Variants in TRANK1 observed in about 807,000 individuals in gnomAD.
The protein encoded by TRANK1 is tetratricopeptide repeat and ankyrin repeat containing 1.
A neutral mutation model predicts 266.0 loss-of-function variants in TRANK1; 198 were observed. The ratio of observed to expected loss-of-function variants is 0.74; its 90% CI spans 0.66 to 0.84. The LOEUF (loss-of-function observed/expected upper bound fraction) is 0.84, where lower values mean the gene tolerates loss of function less well. TRANK1 is among the 40% of genes least tolerant of loss of function. TRANK1 has a pLI of 0.00. For synonymous variants in TRANK1, 1,396 were observed against 1,384.1 expected (o/e 1.01, Z -0.19); for missense variants, 3,326 against 3,634.6 (o/e 0.92, Z 2.18).
At chr3:36,877,256 A>G (rs1388048873) in intron 8 of TRANK1, among the ~76,000 whole-genome samples, 1 of 152,254 alleles carries the variant, frequency 6.6e-6, no homozygotes, top group Non-Finnish European at 1.5e-5. Flanking sequence ...TTACTTGTAC[A>G]TCATAAAATA....
At chr3:36,924,421 A>G (rs1396366860) in intron 1 of TRANK1, among the ~76,000 whole-genome samples, 4 of 152,202 alleles carry the variant, frequency 2.6e-5, no homozygotes, top group African/African-American at 9.6e-5. Context: ...CAGTCCCACC[A>G]TGGGACAAAC....
Position 36,833,685 on chromosome 3 carries a change from G to A in TRANK1, c.5898C>T (p.Ala1966=). 2 of 1,613,950 alleles carry A rather than the reference G, an allele frequency of 1.2e-6. No homozygotes were observed. Among genetic ancestry groups the A allele is most frequent in the Non-Finnish European group, 1.7e-6 (2 of 1,179,876 alleles). Reference sequence around the variant, plus strand: ...GGCAGCCATGTTGCTTCATCAGCAGGGCAGCCTCTTCTCTCCTACCTTCCC... The same window carrying A: ...GGCAGCCATGTTGCTTCATCAGCAGAGCAGCCTCTTCTCTCCTACCTTCCC... ...LNREGRREEA[A]LLMKQHGCLL... The change falls in exon 22 of 24, where the codon GCC becomes GCT. Residue 1966 remains alanine, a synonymous_variant. Coordinates refer to ENST00000645898, the MANE Select transcript of TRANK1 (RefSeq NM_001329998.2).
chr3:36,865,024 GTTTTTTTTTTTT>G (rs34540496), intron 9 of TRANK1, among the ~76,000 whole-genome samples: 4 of 119,808 alleles, frequency 3.3e-5, no homozygotes, highest in Non-Finnish European at 6.7e-5. Context: ...TGTTTTTTTG[GTTTTTTTTTTTT>G]TTTTTTTTTG....
chr3:36,917,279 C>T (rs893689211), intron 1 of TRANK1, among the ~76,000 whole-genome samples: 2 of 151,932 alleles, frequency 1.3e-5, no homozygotes, highest in African/African-American at 4.8e-5. Context: ...ACACAAAAGC[C>T]TCGAATAGAT....
rs769414394 is a variant in TRANK1, at chr3:36,857,711, T to A, written c.2011A>T (p.Thr671Ser). 2 of 1,613,902 alleles carry A rather than the reference T, an allele frequency of 1.2e-6. No individual in the cohort carries two copies. Among genetic ancestry groups the A allele is most frequent in the East Asian group, 2.2e-5 (1 of 44,890 alleles). The change falls in exon 13 of 24, where the codon ACT becomes TCT. Residue 671 changes from threonine (T) to serine (S), a missense_variant. Coordinates refer to ENST00000645898, the MANE Select transcript of TRANK1 (RefSeq NM_001329998.2). The surrounding 1 kb of genome is among the most constrained non-coding windows in gnomAD (Gnocchi z 4.3). Reference protein sequence around the residue: ...AAHLGKLSKSTAPGHTSQLKS... With the variant: ...AAHLGKLSKSSAPGHTSQLKS... ...AGCTGAGATGTGTGACCAGGGGCAG[T>A]GGACTTTGAGAGCTTCCCCAGGTGG... is the stretch of plus-strand genomic sequence containing the variant.
At chr3:36,850,721 C>T in intron 15 of TRANK1, 1 of 983,554 alleles carries the variant, frequency 1.0e-6, no homozygotes, top group Non-Finnish European at 1.2e-6. Flanking sequence ...CTGCAAAGCA[C>T]CTATATCAAT....
chr3:36,915,534 C>T (rs77266396), intron 1 of TRANK1, among the ~76,000 whole-genome samples: 6,035 of 152,146 alleles, frequency 0.04, 175 homozygotes, highest in African/African-American at 0.081. Flanking sequence ...TTCAGCACAC[C>T]CTAATCCTAT....
chr3:36,899,409 T>A, intron 3 of TRANK1, 150 bp from the exon 4 acceptor site: 3 of 866,168 alleles, frequency 3.5e-6, no homozygotes, highest in South Asian at 1.8e-5. Context: ...AATCCTAACA[T>A]TCCGAGAGAT....
At chr3:36,850,110 A>G (rs527271160) in intron 15 of TRANK1, 4 of 985,458 alleles carry the variant, frequency 4.1e-6, no homozygotes, top group Non-Finnish European at 4.8e-6. Flanking sequence ...TCGCACAAGC[A>G]TACAACTGGT....
chr3:36,943,580 T>C (rs1280443896), intron 1 of TRANK1, among the ~76,000 whole-genome samples: 1 of 144,148 alleles, frequency 6.9e-6, no homozygotes, highest in Non-Finnish European at 1.5e-5. Context: ...TGGAAAACAG[T>C]TGAAACAAAC....
At chr3:36,895,809 G>A (rs2079781699) in intron 4 of TRANK1, 51 bp from the exon 5 acceptor site, 1 of 1,277,734 alleles carries the variant, frequency 7.8e-7, no homozygotes, top group Non-Finnish European at 1.1e-6. Flanking sequence ...AAAGTCTACA[G>A]CATTTGGGAA....
chr3:36,891,270 G>A (rs2079690884), intron 7 of TRANK1, among the ~76,000 whole-genome samples: 2 of 152,138 alleles, frequency 1.3e-5, no homozygotes, highest in South Asian at 4.1e-4. Flanking sequence ...AACCCAGGAG[G>A]CAAAGGCTGC....
intron 9 of TRANK1, among the ~76,000 whole-genome samples, chr3:36,870,634 G>A (rs897638224): frequency 6.6e-6 from 1 of 151,984 alleles, no homozygotes; most frequent in African/African-American, 2.4e-5. Context: ...GAAATCAAAC[G>A]TCCAACAAGT....
Position 36,874,073 on chromosome 3 carries a change from T to C in TRANK1, c.1078+53A>G, listed in dbSNP as rs200792277. 5.4e-6 allele frequency: 8 copies of C among 1,472,472 alleles called. No homozygotes were observed. In the East Asian group the frequency reaches 2.0e-4, roughly 36 times the overall value. The allele number at this position is 1,472,472 out of a possible 1,614,324, so 91.2% of individuals were successfully genotyped here. Reference sequence around the variant, plus strand: ...AAGAGATAAACTGATTTGTATCTAATGTCACAGAACCAGTTTTATGCCCCC... The same window carrying C: ...AAGAGATAAACTGATTTGTATCTAACGTCACAGAACCAGTTTTATGCCCCC... On this transcript the variant is annotated intron_variant, in intron 9 of 23. Coordinates refer to ENST00000645898, the MANE Select transcript of TRANK1 (RefSeq NM_001329998.2).
Position 36,846,263 on chromosome 3 carries a change from T to C in TRANK1, c.5176A>G (p.Thr1726Ala), listed in dbSNP as rs1449086319. Reference protein sequence around the residue: ...IRRDFVQVVKTDENKDFDDSM... With the variant: ...IRRDFVQVVKADENKDFDDSM... ...AGGATCTTACCTTTATTTTCATCTG[T>C]CTTTACAACTTGGACAAAATCTCTT... Residue 1726 changes from threonine (T) to alanine (A), a missense_variant, in exon 17 of 24, where the codon ACA (threonine) becomes GCA (alanine). Coordinates refer to ENST00000645898, the MANE Select transcript of TRANK1 (RefSeq NM_001329998.2). 1.9e-6 allele frequency: 3 copies of C among 1,597,000 alleles called. No individual in the cohort carries two copies. Among genetic ancestry groups the C allele is most frequent in the Non-Finnish European group, 2.6e-6 (3 of 1,171,236 alleles).
At chr3:36,866,006 G>C (rs1170652431) in intron 9 of TRANK1, among the ~76,000 whole-genome samples, 1 of 148,792 alleles carries the variant, frequency 6.7e-6, no homozygotes, top group Non-Finnish European at 1.5e-5. Flanking sequence ...AAGAGAAAGA[G>C]AGAGAGACAG....
At position 36,833,119 on chromosome 3, in the gene TRANK1, T is replaced by C; in HGVS notation, c.6464A>G (p.Asp2155Gly). 1.2e-6 allele frequency: 2 copies of C among 1,612,612 alleles called. No homozygotes were observed. Among genetic ancestry groups the C allele is most frequent in the Non-Finnish European group, 8.5e-7 (1 of 1,179,172 alleles). Residue 2155 changes from aspartate to glycine, a missense_variant, in exon 22 of 24, where the codon GAT (aspartate) becomes GGT (glycine). Asp to Gly is a moderately conservative substitution (Grantham distance 94). Coordinates refer to ENST00000645898, the MANE Select transcript of TRANK1 (RefSeq NM_001329998.2). ...TTGGTCAGTCATTATCAAAAAATGA[T>C]CTTTTGTTTTTTTCTCTCTCAAGTT... Reference protein sequence around the residue: ...DLNLREKKTKDHFLIMTDQVK... With the variant: ...DLNLREKKTKGHFLIMTDQVK...
chr3:36,833,098 T>A lies in TRANK1; in HGVS notation c.6485A>T (p.Asp2162Val). ...KTKDHFLIMT[D>V]QVKLALNKHL... ...TTTGTTTAGGGCTAATTTCACTTGG[T>A]CAGTCATTATCAAAAAATGATCTTT... is the stretch of plus-strand genomic sequence containing the variant. The change falls in exon 22 of 24, where the codon GAC becomes GTC. Residue 2162 changes from aspartate to valine, a missense_variant. Physicochemically the swap from Asp to Val is radical, Grantham distance 152 (BLOSUM62 -3). Coordinates refer to ENST00000645898, the MANE Select transcript of TRANK1 (RefSeq NM_001329998.2). The A allele has an allele frequency of 6.2e-7, 1 of 1,612,208 alleles. No individual in the cohort carries two copies. Among genetic ancestry groups the A allele is most frequent in the Non-Finnish European group, 8.5e-7 (1 of 1,178,966 alleles).
Position 36,831,379 on chromosome 3 carries a change from C to A in TRANK1, c.8204G>T (p.Ser2735Ile). The A allele has an allele frequency of 6.2e-7, 1 of 1,613,322 alleles. No homozygotes were observed. The highest frequency in any genetic ancestry group is 8.5e-7 in the Non-Finnish European group (1 of 1,179,620). ...RACLVVSLCI[S>I]WRRRVGTQME... is the part of the protein sequence containing the mutation. ...CTGGGTGCCCACTCTTCTCCTCCAACTGATGCACAGAGACACCACCAGGCA... is the reference window on the plus strand; with the variant it reads ...CTGGGTGCCCACTCTTCTCCTCCAAATGATGCACAGAGACACCACCAGGCA... Residue 2735 changes from serine to isoleucine, a missense_variant, in exon 22 of 24, where the codon AGT becomes ATT. Ser to Ile is a moderately radical substitution (Grantham distance 142). Transcript: ENST00000645898. The surrounding 1 kb of genome is among the most constrained non-coding windows in gnomAD (Gnocchi z 5.0).
Sources: gnomAD v4.1 joint callset for allele counts (sites outside exome capture counted in the v4.1 genomes callset) on GRCh38, gnomAD v4.1.1 for gene constraint, Gnocchi (gnomAD v3.1) non-coding constraint, MANE v1.5 for transcripts, NCBI Gene and HGNC (gene_info 2026-07-23, HGNC 2026-07-21) for gene names.